ROBO2: variants seen among roughly 807,000 people sequenced by gnomAD.
The protein encoded by ROBO2 is roundabout guidance receptor 2, also known as roundabout homolog 2.
In ROBO2, 53 loss-of-function variants were observed where a neutral mutation model predicts 160.8. The ratio of observed to expected loss-of-function variants is 0.33; its 90% confidence interval spans 0.26 to 0.41. ROBO2 has a LOEUF of 0.41. Among genes scored for constraint, ROBO2 ranks in the 10% least tolerant of loss-of-function variants. The pLI is 1.00. For synonymous variants in ROBO2, 664 were observed against 611.7 expected (o/e 1.09, Z -1.26); for missense variants, 1,577 against 1,722.4 (o/e 0.92, Z 1.49).
chr3:76,548,742 T>C (rs1280601690), intron 2 of ROBO2, among the ~76,000 whole-genome samples: 1 of 151,912 alleles, frequency 6.6e-6, no homozygotes, highest in East Asian at 1.9e-4. Flanking sequence ...AAAATTTTTG[T>C]GTCTACTAAC....
intron 2 of ROBO2, among the ~76,000 whole-genome samples, chr3:76,048,540 G>A (rs559032725): frequency 7.4e-4 from 112 of 152,206 alleles, no homozygotes; most frequent in African/African-American, 2.7e-3. Flanking sequence ...TTGATCATAT[G>A]AATGATAATT....
exon 15 of ROBO2, chr3:77,577,583 A>T: frequency 6.2e-7 from 1 of 1,613,392 alleles, no homozygotes; most frequent in Middle Eastern, 1.7e-4. Flanking sequence ...CCTCCTCCAG[A>T]TCACCAGAAT....
At chr3:76,690,350 G>A (rs1167576097) in intron 2 of ROBO2, among the ~76,000 whole-genome samples, 2 of 152,004 alleles carry the variant, frequency 1.3e-5, no homozygotes, top group African/African-American at 4.8e-5. Flanking sequence ...TGGAAGAGGT[G>A]CATGAATCAT....
At chr3:76,372,609 C>T (rs2076159871) in intron 2 of ROBO2, among the ~76,000 whole-genome samples, 1 of 151,930 alleles carries the variant, frequency 6.6e-6, no homozygotes. Flanking sequence ...TAACTTCAAA[C>T]ATTGAGCATA....
intron 2 of ROBO2, among the ~76,000 whole-genome samples, chr3:76,105,602 A>G (rs1353492529): frequency 6.6e-6 from 1 of 152,144 alleles, no homozygotes; most frequent in African/African-American, 2.4e-5. Context: ...GTGGATACAG[A>G]TATCTTGATA....
chr3:77,183,379 T>C (rs1410356776), intron 2 of ROBO2, among the ~76,000 whole-genome samples: 1 of 152,042 alleles, frequency 6.6e-6, no homozygotes, highest in Admixed American at 6.6e-5. Flanking sequence ...TGTCTCAGAA[T>C]GTAACTGGAT....
chr3:77,189,725 T>C (rs2081638778), intron 2 of ROBO2, among the ~76,000 whole-genome samples: 1 of 151,952 alleles, frequency 6.6e-6, no homozygotes, highest in Non-Finnish European at 1.5e-5. Context: ...AGGCAAAAAC[T>C]ATTTCGATAG....
intron 2 of ROBO2, among the ~76,000 whole-genome samples, chr3:77,161,859 A>G (rs1418615512): frequency 6.6e-6 from 1 of 151,410 alleles, no homozygotes; most frequent in African/African-American, 2.4e-5. Context: ...TAAAGCATGT[A>G]GTTCTTCTTC....
intron 2 of ROBO2, among the ~76,000 whole-genome samples, chr3:75,977,487 T>C (rs2065162546): frequency 6.6e-6 from 1 of 151,566 alleles, no homozygotes; most frequent in Non-Finnish European, 1.5e-5. Flanking sequence ...AGTTGGAAAC[T>C]CTTCCTTTTT....
intron 2 of ROBO2, among the ~76,000 whole-genome samples, chr3:76,101,899 G>A (rs2069701645): frequency 6.9e-6 from 1 of 144,336 alleles, no homozygotes; most frequent in Non-Finnish European, 1.5e-5. Flanking sequence ...CCCTTCCTGT[G>A]TCCAAGTGTT....
At chr3:77,150,529 C>T (rs1173235270) in intron 2 of ROBO2, among the ~76,000 whole-genome samples, 1 of 152,114 alleles carries the variant, frequency 6.6e-6, no homozygotes, top group Admixed American at 6.6e-5. Flanking sequence ...TTTTCTTTCT[C>T]CTCCATATAT....
At chr3:77,193,409 T>A (rs1183046073) in intron 2 of ROBO2, among the ~76,000 whole-genome samples, 3 of 151,778 alleles carry the variant, frequency 2.0e-5, no homozygotes. Flanking sequence ...GCCTCCTGAG[T>A]AGCTGGGAAT....
At chr3:77,040,978 G>C (rs571844260) in intron 1 of ROBO2, 132 bp downstream of exon 1, 1 of 1,125,156 alleles carries the variant, frequency 8.9e-7, no homozygotes, top group South Asian at 1.3e-5. Flanking sequence ...GGCCCGGCAC[G>C]GGCTCCTTGG....
chr3:77,060,068 C>T (rs2149758671), intron 1 of ROBO2, among the ~76,000 whole-genome samples: 1 of 152,140 alleles, frequency 6.6e-6, no homozygotes, highest in African/African-American at 2.4e-5. Flanking sequence ...AGACCAATGA[C>T]TAGAGCAAAC....
intron 2 of ROBO2, among the ~76,000 whole-genome samples, chr3:77,423,074 T>C (rs77085520): frequency 6.6e-6 from 1 of 152,302 alleles, no homozygotes; most frequent in East Asian, 1.9e-4. Context: ...AGTATAATGC[T>C]GTGCTAATAT....
intron 2 of ROBO2, among the ~76,000 whole-genome samples, chr3:77,456,065 T>C (rs1407518407): frequency 1.3e-5 from 2 of 152,228 alleles, no homozygotes; most frequent in African/African-American, 4.8e-5. Flanking sequence ...AGTGCTCATA[T>C]GTAACCTTGA....
intron 2 of ROBO2, among the ~76,000 whole-genome samples, chr3:76,386,813 T>C (rs945009157): frequency 6.6e-6 from 1 of 152,124 alleles, no homozygotes; most frequent in Non-Finnish European, 1.5e-5. Context: ...GGGACATACA[T>C]ATGCTAGGAG....
chr3:75,964,626 C>T (rs1949040528), intron 2 of ROBO2, among the ~76,000 whole-genome samples: 1 of 151,512 alleles, frequency 6.6e-6, no homozygotes, highest in African/African-American at 2.4e-5. Context: ...CTTTAGACAA[C>T]ATGAAAATAT....
intron 2 of ROBO2, among the ~76,000 whole-genome samples, chr3:76,826,600 C>T (rs921509729): frequency 2.6e-5 from 4 of 152,096 alleles, no homozygotes; most frequent in African/African-American, 9.7e-5. Flanking sequence ...TATGCAGGAC[C>T]TCCCATACTG....
Sources: gnomAD v4.1 joint callset for allele counts (sites outside exome capture counted in the v4.1 genomes callset) on GRCh38, gnomAD v4.1.1 for gene constraint, MANE v1.5 for transcripts, NCBI Gene and HGNC (gene_info 2026-07-23, HGNC 2026-07-21) for gene names.